The following ANKS1B variants were observed in gnomAD, a reference collection of about 807,000 sequenced individuals.
ANKS1B encodes the protein ankyrin repeat and sterile alpha motif domain-containing protein 1B.
In ANKS1B, 36 loss-of-function variants were observed where a neutral mutation model predicts 148.3. The ratio of observed to expected loss-of-function variants is 0.24; its 90% CI spans 0.19 to 0.32. ANKS1B has a LOEUF of 0.32. Among genes scored for constraint, ANKS1B ranks in the 10% least tolerant of loss-of-function variants. ANKS1B has a pLI of 1.00. For synonymous variants in ANKS1B, 542 were observed against 560.8 expected (o/e 0.97, Z 0.47); for missense variants, 1,157 against 1,542.6 (o/e 0.75, Z 4.19).
At position 98,862,865 on chromosome 12, in the gene ANKS1B, C is replaced by T. The variant is rs1440704167; in HGVS notation, c.2779-30729G>A. On this transcript the variant is annotated intron_variant, in intron 17 of 26. Coordinates refer to ENST00000683438, the MANE Select transcript of ANKS1B (RefSeq NM_001352186.2). The stretch of plus-strand genomic sequence containing the variant: ...TCTGAAATTTGAGGTGCAAAGTAAG[C>T]ATTTTGATAGGGATATTTTTCCAAA... 4.6e-5 allele frequency among the ~76,000 whole-genome samples: 7 copies of T among 152,166 alleles called. No individual in the cohort carries two copies. In the East Asian group the frequency reaches 5.8e-4, roughly 13 times the overall value.
chr12:99,349,420 A>G (rs771942849), intron 12 of ANKS1B, among the ~76,000 whole-genome samples: 61 of 151,980 alleles, frequency 4.0e-4, no homozygotes, highest in Non-Finnish European at 6.0e-4. Flanking sequence ...CCAAATATAT[A>G]CTGTCTACAT....
chr12:99,288,699 G>A (rs894543095), intron 12 of ANKS1B, among the ~76,000 whole-genome samples: 1 of 152,044 alleles, frequency 6.6e-6, no homozygotes, highest in African/African-American at 2.4e-5. Context: ...TCAGTTTAAT[G>A]TAATGGGTTA....
At chr12:99,504,727 C>T in intron 9 of ANKS1B, 86 bp from the exon 10 acceptor site, 1 of 1,037,304 alleles carries the variant, frequency 9.6e-7, no homozygotes. Flanking sequence ...TAATCAGGTT[C>T]ATTAGTTCTT....
intron 12 of ANKS1B, among the ~76,000 whole-genome samples, chr12:99,382,759 T>C: frequency 6.6e-6 from 1 of 150,970 alleles, no homozygotes; most frequent in Non-Finnish European, 1.5e-5. Flanking sequence ...AAGCCATCCC[T>C]TTAAGTGTAA....
intron 8 of ANKS1B, among the ~76,000 whole-genome samples, chr12:99,756,296 C>A (rs1435721923): frequency 6.6e-6 from 1 of 151,416 alleles, no homozygotes; most frequent in African/African-American, 2.4e-5. Context: ...CTACAACAGG[C>A]AAGTGGAGAG....
intron 14 of ANKS1B, among the ~76,000 whole-genome samples, chr12:99,178,424 T>C (rs1204110457): frequency 6.6e-6 from 1 of 152,200 alleles, no homozygotes; most frequent in East Asian, 1.9e-4. Context: ...GCATATCCAA[T>C]TAACACACAT....
chr12:99,234,170 T>C (rs916212008), intron 14 of ANKS1B, among the ~76,000 whole-genome samples: 2 of 152,144 alleles, frequency 1.3e-5, no homozygotes, highest in African/African-American at 4.8e-5. Flanking sequence ...AGACAACACA[T>C]ACTACATAAA....
At position 99,701,360 on chromosome 12, in the gene ANKS1B, ATGC is replaced by A. The variant is rs780234749; in HGVS notation, c.1129-46153_1129-46151del. ...CAATAAAAATGAACCAACAACAGATATGCTGCTGCTGCTTTTTTTAAATCTTGT... is the reference window on the plus strand; with the variant it reads ...CAATAAAAATGAACCAACAACAGATATGCTGCTGCTTTTTTTAAATCTTGT... On this transcript the variant is annotated intron_variant, in intron 8 of 26. Coordinates refer to ENST00000683438, the MANE Select transcript of ANKS1B (RefSeq NM_001352186.2). Among the ~76,000 whole-genome samples the A allele has an allele frequency of 1.5e-4, 23 of 152,248 alleles. 1 individual carries two copies. The highest frequency in any genetic ancestry group is 5.2e-4 in the Admixed American group (8 of 15,288).
At chr12:99,559,800 T>C (rs1597083399) in intron 9 of ANKS1B, among the ~76,000 whole-genome samples, 1 of 152,198 alleles carries the variant, frequency 6.6e-6, no homozygotes, top group Non-Finnish European at 1.5e-5. Context: ...CTGTGGATGG[T>C]GAAGATAAGT....
At chr12:99,481,330 C>T (rs748398815) in intron 10 of ANKS1B, among the ~76,000 whole-genome samples, 4 of 151,870 alleles carry the variant, frequency 2.6e-5, no homozygotes, top group Non-Finnish European at 5.9e-5. Flanking sequence ...CCTCTAGCTT[C>T]ATGCAAATTG....
At chr12:98,899,003 G>A (rs535688293) in intron 17 of ANKS1B, among the ~76,000 whole-genome samples, 2 of 152,202 alleles carry the variant, frequency 1.3e-5, no homozygotes, top group Non-Finnish European at 2.9e-5. Context: ...AATTATCCAG[G>A]GGACCATGTT....
At chr12:99,826,201 A>AT (rs2083170910) in intron 1 of ANKS1B, among the ~76,000 whole-genome samples, 3 of 152,222 alleles carry the variant, frequency 2.0e-5, no homozygotes, top group Non-Finnish European at 2.9e-5. Flanking sequence ...CACCAACTGT[A>AT]TGTCACATAT....
At chr12:98,828,687 T>C (rs898925312) in intron 19 of ANKS1B, among the ~76,000 whole-genome samples, 7 of 152,224 alleles carry the variant, frequency 4.6e-5, no homozygotes, top group Admixed American at 3.3e-4. Context: ...GAAAGCATCA[T>C]CATTTTCAAC....
chr12:99,236,313 A>G (rs1245139977), intron 14 of ANKS1B, among the ~76,000 whole-genome samples: 1 of 152,110 alleles, frequency 6.6e-6, no homozygotes, highest in Non-Finnish European at 1.5e-5. Flanking sequence ...TAAAGATACT[A>G]CCTGAGACTG....
At chr12:99,057,480 T>C (rs1489940302) in intron 16 of ANKS1B, among the ~76,000 whole-genome samples, 1 of 152,214 alleles carries the variant, frequency 6.6e-6, no homozygotes, top group Non-Finnish European at 1.5e-5. Context: ...TCCTTCTTTA[T>C]CTTGTTTTAG....
intron 12 of ANKS1B, among the ~76,000 whole-genome samples, chr12:99,268,556 T>G (rs905117335): frequency 1.3e-5 from 2 of 152,134 alleles, no homozygotes; most frequent in Non-Finnish European, 2.9e-5. Context: ...GTAATTTTTG[T>G]CCCCAGTGGG....
intron 1 of ANKS1B, among the ~76,000 whole-genome samples, chr12:99,897,737 G>A (rs938585223): frequency 5.3e-5 from 8 of 150,224 alleles, no homozygotes; most frequent in Admixed American, 2.7e-4. Flanking sequence ...TGGCTATAAA[G>A]TTTAGACAGC....
chr12:99,923,001 T>G (rs1181147274), intron 1 of ANKS1B, among the ~76,000 whole-genome samples: 1 of 151,884 alleles, frequency 6.6e-6, no homozygotes, highest in African/African-American at 2.4e-5. Flanking sequence ...TATAGCAACA[T>G]GAAATGGACT....
chr12:98,883,691 T>C (rs780026641), intron 17 of ANKS1B, among the ~76,000 whole-genome samples: 18 of 152,230 alleles, frequency 1.2e-4, no homozygotes, highest in Non-Finnish European at 2.4e-4. Flanking sequence ...AAAGGGAAGG[T>C]TGGCTTTACA....
Sources: gnomAD v4.1 joint callset for allele counts (sites outside exome capture counted in the v4.1 genomes callset) on GRCh38, gnomAD v4.1.1 for gene constraint, MANE v1.5 for transcripts, NCBI Gene and HGNC (gene_info 2026-07-23, HGNC 2026-07-21) for gene names.